The following DTNA variants were observed in gnomAD, a reference collection of about 807,000 sequenced individuals.
DTNA encodes the protein dystrobrevin alpha, also known as dystrophin-related protein 3.
A neutral mutation model predicts 100.7 loss-of-function variants in DTNA; 43 were observed. The observed-to-expected ratio is 0.43, with a 90% CI of 0.33 to 0.55. The LOEUF (loss-of-function observed/expected upper bound fraction) is 0.55. DTNA is among the 20% of genes least tolerant of loss of function. DTNA has a pLI of 0.04. For missense variants in DTNA, 798 were observed against 953.9 expected, an observed-to-expected ratio of 0.84 and a Z score of 2.15; for synonymous variants, 349 against 347.9, an observed-to-expected ratio of 1.00 and a Z score of -0.04.
intron 1 of DTNA, among the ~76,000 whole-genome samples, chr18:34,636,536 G>A (rs775769287): frequency 6.6e-6 from 1 of 152,202 alleles, no homozygotes; most frequent in Non-Finnish European, 1.5e-5. Context: ...CTCAATTCTT[G>A]TGGAGGTGCT....
chr18:34,599,982 A>G (rs1567985874), intron 1 of DTNA, among the ~76,000 whole-genome samples: 1 of 152,080 alleles, frequency 6.6e-6, no homozygotes, highest in East Asian at 1.9e-4. Flanking sequence ...CCAGCCAACA[A>G]ATTTCTTTAT....
chr18:34,654,958 C>A (rs951491650), intron 1 of DTNA, among the ~76,000 whole-genome samples: 2 of 152,132 alleles, frequency 1.3e-5, no homozygotes, highest in Non-Finnish European at 2.9e-5. Flanking sequence ...AATGCCTGAC[C>A]TCAGGTGATC....
rs190377237 is a variant in DTNA at position 34,867,401 on chromosome 18, C to T, written c.1743+3339C>T. The T allele has an allele frequency of 2.5e-3, 3,020 of 1,227,930 alleles. 4 individuals carry two copies. The highest frequency in any genetic ancestry group is 2.5e-3 in the Non-Finnish European group (2,435 of 986,174). The allele number at this position is 1,227,930 out of a possible 1,614,324, so 76.1% of individuals were successfully genotyped here. A position where few individuals can be genotyped will look rare whatever the true frequency, so the allele number is the denominator to read the frequency against. On this transcript the variant is annotated intron_variant, in intron 17 of 22. Coordinates refer to ENST00000444659, the MANE Select transcript of DTNA (RefSeq NM_001386795.1). ...AAGTCAAATTTTAACAGAAGACAGT[C>T]CCCCTGGGTGAAGGACACATAACAC...
chr18:34,560,309 G>C (rs904098976), intron 1 of DTNA, among the ~76,000 whole-genome samples: 1 of 152,106 alleles, frequency 6.6e-6, no homozygotes, highest in Non-Finnish European at 1.5e-5. Context: ...GAACATAGCT[G>C]GGTGCTACAA....
At chr18:34,788,096 A>G (rs1225563154) in intron 3 of DTNA, among the ~76,000 whole-genome samples, 1 of 152,168 alleles carries the variant, frequency 6.6e-6, no homozygotes, top group Non-Finnish European at 1.5e-5. Context: ...TTAATGGACG[A>G]CTGGTTTGAT....
chr18:34,581,231 G>A (rs1351999342), intron 1 of DTNA, among the ~76,000 whole-genome samples: 1 of 150,722 alleles, frequency 6.6e-6, no homozygotes, highest in Non-Finnish European at 1.5e-5. Context: ...CTGGGTGACA[G>A]AGCGAGATTG....
chr18:34,787,116 G>A (rs753243704), intron 3 of DTNA, among the ~76,000 whole-genome samples: 1 of 152,098 alleles, frequency 6.6e-6, no homozygotes, highest in South Asian at 2.1e-4. Flanking sequence ...GTATCACCAG[G>A]AATCCATTTT....
At chr18:34,624,823 C>T (rs530023085) in intron 1 of DTNA, among the ~76,000 whole-genome samples, 1 of 152,246 alleles carries the variant, frequency 6.6e-6, no homozygotes, top group Non-Finnish European at 1.5e-5. Flanking sequence ...GAAAGTATTG[C>T]AGGGAATAGG....
intron 1 of DTNA, among the ~76,000 whole-genome samples, chr18:34,625,104 G>A (rs936543771): frequency 3.3e-5 from 5 of 150,880 alleles, no homozygotes; most frequent in Admixed American, 6.6e-5. Flanking sequence ...GCACGATCTC[G>A]GCTCACTGCA....
chr18:34,856,167 G>C (rs557299822), intron 15 of DTNA, among the ~76,000 whole-genome samples: 1 of 152,178 alleles, frequency 6.6e-6, no homozygotes, highest in Non-Finnish European at 1.5e-5. Context: ...GTGGGTTCTA[G>C]AGCTCCCCAA....
intron 1 of DTNA, among the ~76,000 whole-genome samples, chr18:34,510,622 C>CT (rs1027138316): frequency 0.043 from 4,011 of 92,786 alleles, 127 homozygotes; most frequent in African/African-American, 0.1. Flanking sequence ...ACTGGCCATT[C>CT]TTTTTTTTTT....
chr18:34,875,515 G>T, intron 18 of DTNA, 117 bp downstream of exon 18: 1 of 1,464,972 alleles, frequency 6.8e-7, no homozygotes, highest in South Asian at 1.2e-5. Context: ...GTCTTTCATG[G>T]CTGGTGTCAG....
intron 1 of DTNA, among the ~76,000 whole-genome samples, chr18:34,522,623 G>A (rs778610163): frequency 6.6e-6 from 1 of 152,116 alleles, no homozygotes. Flanking sequence ...GTGCAGCTCT[G>A]CCCTCTTTTT....
rs1261358229 is a variant in DTNA, at chr18:34,811,901, C to T, written c.449-58C>T. On this transcript the variant is annotated intron_variant, in intron 5 of 22. Coordinates refer to ENST00000444659, the MANE Select transcript of DTNA (RefSeq NM_001386795.1). Reference sequence around the variant, plus strand: ...TGTCATTTGTAGCAGATATATTGAACAAAAACAGTGGAGAATGTTCATGTG... The same window carrying T: ...TGTCATTTGTAGCAGATATATTGAATAAAAACAGTGGAGAATGTTCATGTG... 3.7e-6 allele frequency: 6 copies of T among 1,604,940 alleles called. No homozygotes were observed. In the East Asian group the frequency reaches 8.9e-5, roughly 24 times the overall value.
chr18:34,728,897 A>G (rs2087392509), intron 1 of DTNA, among the ~76,000 whole-genome samples: 1 of 152,164 alleles, frequency 6.6e-6, no homozygotes, highest in Admixed American at 6.5e-5. Context: ...AGTAAGTGAG[A>G]AAGCCTGGCT....
intron 1 of DTNA, among the ~76,000 whole-genome samples, chr18:34,634,669 C>T (rs2058464061): frequency 6.6e-6 from 1 of 151,842 alleles, no homozygotes; most frequent in Non-Finnish European, 1.5e-5. Flanking sequence ...TTATATAGCA[C>T]CTAAACTCAA....
At chr18:34,525,973 T>C (rs2145357226) in intron 1 of DTNA, among the ~76,000 whole-genome samples, 1 of 152,308 alleles carries the variant, frequency 6.6e-6, no homozygotes, top group Middle Eastern at 3.4e-3. Flanking sequence ...TGTAGTTTAC[T>C]TAGTGTCCTA....
intron 1 of DTNA, among the ~76,000 whole-genome samples, chr18:34,656,240 G>A (rs541593865): frequency 1.3e-5 from 2 of 152,122 alleles, no homozygotes; most frequent in African/African-American, 4.8e-5. Context: ...TCCAATTTTA[G>A]TGTTGCTAAA....
intron 3 of DTNA, among the ~76,000 whole-genome samples, chr18:34,766,823 T>C (rs2093500064): frequency 6.6e-6 from 1 of 152,212 alleles, no homozygotes; most frequent in Non-Finnish European, 1.5e-5. Context: ...AGAACAAAAT[T>C]AGCTCTTTGT....
Sources: allele counts gnomAD v4.1 joint callset (sites outside exome capture counted in the v4.1 genomes callset), GRCh38; gene constraint gnomAD v4.1.1; transcripts MANE v1.5; gene names NCBI Gene and HGNC (gene_info 2026-07-23, HGNC 2026-07-21).